The following P2RY8 variants were observed in gnomAD, a reference collection of about 807,000 sequenced individuals.
P2RY8 encodes the protein P2Y receptor family member 8, also known as S-geranylgeranyl-glutathione receptor P2RY8.
In P2RY8, 6 loss-of-function variants were observed where a neutral mutation model predicts 10.0. The observed-to-expected ratio is 0.60, with a 90% CI of 0.33 to 1.19. The LOEUF (loss-of-function observed/expected upper bound fraction) is 1.19. Among genes scored for constraint, P2RY8 ranks in the 50% most tolerant of loss-of-function variants. The pLI, the probability that P2RY8 is intolerant of heterozygous loss-of-function variation, is 0.04. For synonymous variants in P2RY8, 276 were observed against 252.5 expected (o/e 1.09, Z -0.88); for missense variants, 456 against 542.0 (o/e 0.84, Z 1.58).
chrX:1,529,819 T>C (rs1294294363), intron 1 of P2RY8, among the ~76,000 whole-genome samples: 1 of 152,108 alleles, frequency 6.6e-6, no homozygotes, highest in Non-Finnish European at 1.5e-5. Context: ...ATCATTTATC[T>C]GCCTACCATT....
At chrX:1,509,160 AT>A (rs2092269227) in intron 1 of P2RY8, among the ~76,000 whole-genome samples, 41 of 98,138 alleles carry the variant, frequency 4.2e-4, no homozygotes, top group South Asian at 2.6e-3. Context: ...GTATCCATCC[AT>A]TCTATCTATC....
chrX:1,506,234 C>T (rs1193183066), intron 1 of P2RY8, among the ~76,000 whole-genome samples: 3 of 152,070 alleles, frequency 2.0e-5, no homozygotes, highest in African/African-American at 7.2e-5. Flanking sequence ...CTTAGACGAC[C>T]CGCCTGCCTG....
chrX:1,465,845 C>T lies in P2RY8; in HGVS notation c.714G>A (p.Leu238=), dbSNP rs777005955. 1.7e-5 allele frequency: 27 copies of T among 1,612,836 alleles called. No homozygotes were observed. In the East Asian group the frequency reaches 5.8e-4, roughly 35 times the overall value. Residue 238 remains leucine, a synonymous_variant, in exon 2 of 2, where the codon CTG becomes CTA. Transcript: ENST00000381297. Reference sequence around the variant, plus strand: ...CAAAGGCCAGCAAGACCACCGCGGCCAGGCCCACCGCGCGCCTCCGCTGCT... The same window carrying T: ...CAAAGGCCAGCAAGACCACCGCGGCTAGGCCCACCGCGCGCCTCCGCTGCT... ...GREQRRRAVG[L]AAVVLLAFVT...
intron 1 of P2RY8, among the ~76,000 whole-genome samples, chrX:1,515,321 AAC>A (rs1441082753): frequency 1.6e-4 from 25 of 151,858 alleles, no homozygotes; most frequent in Non-Finnish European, 3.2e-4. Context: ...TTGGGTTTAG[AAC>A]GTTAAGTTGT....
At chrX:1,505,137 C>CACAAAAA (rs2092219972) in intron 1 of P2RY8, among the ~76,000 whole-genome samples, 1 of 99,738 alleles carries the variant, frequency 1.0e-5, no homozygotes, top group Non-Finnish European at 2.0e-5. Context: ...GACTCTGTCT[C>CACAAAAA]AAAAAAAAAA....
At chrX:1,515,985 C>G (rs1316476860) in intron 1 of P2RY8, among the ~76,000 whole-genome samples, 2 of 136,084 alleles carry the variant, frequency 1.5e-5, no homozygotes, top group Admixed American at 7.6e-5. Context: ...GAGTTCGAGA[C>G]CAGCCTGGCC....
intron 1 of P2RY8, among the ~76,000 whole-genome samples, chrX:1,472,983 G>T (rs1273691773): frequency 1.7e-5 from 2 of 119,910 alleles, no homozygotes; most frequent in Non-Finnish European, 3.6e-5. Context: ...TGGATGGATG[G>T]GGGTGGGTGG....
intron 1 of P2RY8, among the ~76,000 whole-genome samples, chrX:1,496,764 G>A (rs1396205368): frequency 6.7e-6 from 1 of 149,824 alleles, no homozygotes; most frequent in Non-Finnish European, 1.5e-5. Flanking sequence ...GTAGCGCGAT[G>A]TCGGCTCCCT....
chrX:1,512,004 T>C (rs1371796871), intron 1 of P2RY8, among the ~76,000 whole-genome samples: 4 of 152,150 alleles, frequency 2.6e-5, no homozygotes, highest in Non-Finnish European at 5.9e-5. Flanking sequence ...TGCCTTTTTT[T>C]CCTAGCTCCT....
intron 1 of P2RY8, among the ~76,000 whole-genome samples, chrX:1,518,048 G>T (rs1337062299): frequency 1.3e-5 from 2 of 151,366 alleles, no homozygotes. Context: ...GGCGGAGGTT[G>T]CAGTGAGCCG....
At chrX:1,482,579 A>G (rs1240824519) in intron 1 of P2RY8, among the ~76,000 whole-genome samples, 2 of 152,130 alleles carry the variant, frequency 1.3e-5, no homozygotes, top group Non-Finnish European at 2.9e-5. Flanking sequence ...GGTAGTGCCT[A>G]GGTTTTCTTC....
chrX:1,497,830 C>A (rs1165131023), intron 1 of P2RY8, among the ~76,000 whole-genome samples: 3 of 151,892 alleles, frequency 2.0e-5, no homozygotes, highest in Admixed American at 6.6e-5. Context: ...CTTGTTGGGA[C>A]CGGCTTGGAG....
At chrX:1,522,265 C>T (rs2092398713) in intron 1 of P2RY8, among the ~76,000 whole-genome samples, 2 of 149,888 alleles carry the variant, frequency 1.3e-5, no homozygotes, top group African/African-American at 5.0e-5. Context: ...CTCTTTTTCT[C>T]GCTTAAAAAA....
At chrX:1,488,943 G>T (rs1433707256) in intron 1 of P2RY8, among the ~76,000 whole-genome samples, 1 of 151,934 alleles carries the variant, frequency 6.6e-6, no homozygotes, top group African/African-American at 2.4e-5. Flanking sequence ...TGGAGGGAAT[G>T]AATGAATGAA....
At chrX:1,519,821 A>G (rs577655239) in intron 1 of P2RY8, among the ~76,000 whole-genome samples, 21 of 151,176 alleles carry the variant, frequency 1.4e-4, no homozygotes, top group African/African-American at 5.1e-4. Context: ...ATCCCCAATC[A>G]TATACTTGGT....
intron 1 of P2RY8, among the ~76,000 whole-genome samples, chrX:1,468,021 T>C (rs1195498505): frequency 2.6e-5 from 4 of 151,708 alleles, no homozygotes; most frequent in Non-Finnish European, 4.4e-5. Context: ...TTGCTACATT[T>C]CCCAGGCTGG....
intron 1 of P2RY8, among the ~76,000 whole-genome samples, chrX:1,501,548 T>C (rs1288243404): frequency 6.6e-6 from 1 of 151,956 alleles, no homozygotes. Flanking sequence ...TTTGTAGACA[T>C]AGGGGTCTCA....
intron 1 of P2RY8, among the ~76,000 whole-genome samples, chrX:1,493,387 G>A (rs866906953): frequency 1.0e-4 from 5 of 50,106 alleles, no homozygotes; most frequent in Non-Finnish European, 2.0e-4. Context: ...GGAGGAAGGA[G>A]GGAGGGAGGG....
intron 1 of P2RY8, among the ~76,000 whole-genome samples, chrX:1,487,049 G>T (rs1174056002): frequency 6.6e-6 from 1 of 152,230 alleles, no homozygotes; most frequent in Non-Finnish European, 1.5e-5. Flanking sequence ...CCCTACCGGG[G>T]TGTCTGGGGC....
Sources: allele counts gnomAD v4.1 joint callset (sites outside exome capture counted in the v4.1 genomes callset), GRCh38; gene constraint gnomAD v4.1.1; transcripts MANE v1.5; gene names NCBI Gene and HGNC (gene_info 2026-07-23, HGNC 2026-07-21).